BST1: variants seen among roughly 807,000 people sequenced by gnomAD.
The protein encoded by BST1 is bone marrow stromal cell antigen 1, also known as ADP-ribosyl cyclase/cyclic ADP-ribose hydrolase 2.
BST1 carries 49 observed loss-of-function variants against 40.6 expected under a neutral mutation model. That is an observed-to-expected ratio of 1.21 (90% confidence interval 0.96 to 1.53). BST1 has a LOEUF of 1.53. Among genes scored for constraint, BST1 ranks in the 40% most tolerant of loss-of-function variants. BST1 has a pLI of 0.00. For synonymous variants in BST1, 157 were observed against 159.3 expected (o/e 0.99, Z 0.11); for missense variants, 423 against 395.9 (o/e 1.07, Z -0.58).
At chr4:15,772,007 G>GTCTCTCTCTCTCTCTCTC in the BST1 span, among the ~76,000 whole-genome samples, 39 of 148,862 alleles carry the variant, frequency 2.6e-4, no homozygotes, top group African/African-American at 8.9e-4. Flanking sequence ...AACAATGAAG[G>GTCTCTCTCTCTCTCTCTC]TCTCTCTCTC....
At position 15,703,336 on chromosome 4, in the gene BST1, AG is replaced by A. The variant is rs1378813997; in HGVS notation, c.188+6del. 1 of 1,409,838 alleles carries A rather than the reference AG, an allele frequency of 7.1e-7. No homozygotes were observed. The highest frequency in any genetic ancestry group is 1.3e-5 in the South Asian group (1 of 77,198). The allele number at this position is 1,409,838 out of a possible 1,614,324, so 87.3% of individuals were successfully genotyped here. ...CACTGCTGAGTCCCGAGCAGCGGTG[AG>A]GCAGTCGGCCGGGTGGAAGGGGAGC... On this transcript the variant is annotated splice_donor_5th_base_variant and intron_variant, in intron 1 of 8. Transcript: ENST00000265016.
the BST1 span, among the ~76,000 whole-genome samples, chr4:15,748,352 C>T: frequency 1.3e-5 from 2 of 152,168 alleles, no homozygotes; most frequent in Non-Finnish European, 2.9e-5. Flanking sequence ...GGCAAGCACC[C>T]TCTTGCAATG....
the BST1 span, among the ~76,000 whole-genome samples, chr4:15,749,264 T>C: frequency 2.6e-5 from 4 of 152,070 alleles, no homozygotes; most frequent in Non-Finnish European, 5.9e-5. Context: ...CCATTGGAAG[T>C]TGAGAGGATG....
the BST1 span, among the ~76,000 whole-genome samples, chr4:15,744,609 A>C: frequency 6.6e-6 from 1 of 152,214 alleles, no homozygotes; most frequent in East Asian, 1.9e-4. Context: ...TCCAAAAGAA[A>C]GTTCAACAAT....
intron 1 of BST1, 45 bp downstream of exon 1, chr4:15,703,377 G>T (rs1457278991): frequency 6.7e-7 from 1 of 1,487,902 alleles, no homozygotes; most frequent in South Asian, 1.3e-5. Flanking sequence ...AAGAGGCAAC[G>T]GTGGGGAGGG....
chr4:15,707,690 T>A, intron 3 of BST1, 44 bp downstream of exon 3: 1 of 1,601,084 alleles, frequency 6.2e-7, no homozygotes, highest in Non-Finnish European at 8.5e-7. Flanking sequence ...GAACTCCTAT[T>A]TACTATGCAT....
intron 8 of BST1, among the ~76,000 whole-genome samples, chr4:15,728,235 G>A (rs907530577): frequency 6.6e-6 from 1 of 152,024 alleles, no homozygotes; most frequent in African/African-American, 2.4e-5. Flanking sequence ...GGGGTAAAGG[G>A]CTTTTAATCT....
rs545701834 is a variant in BST1, at chr4:15,732,187, A to G, written c.*342A>G. On this transcript the variant is annotated 3_prime_UTR_variant, in exon 9 of 9. Transcript: ENST00000265016. ...TATTTTACATCATCTATATTTTCCT[A>G]TATCTCCAGCAGCACGGACACTGCA... is the stretch of plus-strand genomic sequence containing the variant. 46 of 1,008,084 alleles carry G rather than the reference A, an allele frequency of 4.6e-5. No homozygotes were observed. In the African/African-American group the frequency reaches 6.4e-4, roughly 14 times the overall value. The allele number at this position is 1,008,084 out of a possible 1,614,324, so 62.4% of individuals were successfully genotyped here.
chr4:15,741,675 C>T (rs1032601912), downstream of BST1, among the ~76,000 whole-genome samples: 7 of 152,092 alleles, frequency 4.6e-5, no homozygotes, highest in Non-Finnish European at 1.0e-4. Flanking sequence ...TATTTCATGG[C>T]GTCTGAAAAC....
At chr4:15,762,712 C>G in the BST1 span, among the ~76,000 whole-genome samples, 16 of 151,928 alleles carry the variant, frequency 1.1e-4, no homozygotes, top group Non-Finnish European at 1.8e-4. Flanking sequence ...TCCATTTCTG[C>G]TAACCCCAAC....
At chr4:15,767,872 C>T in the BST1 span, among the ~76,000 whole-genome samples, 68 of 152,200 alleles carry the variant, frequency 4.5e-4, 3 homozygotes, top group South Asian at 0.011. Flanking sequence ...CTGCCCATCT[C>T]GGCCTCCTCA....
chr4:15,768,249 A>T, the BST1 span, among the ~76,000 whole-genome samples: 1 of 152,178 alleles, frequency 6.6e-6, no homozygotes. Context: ...TCAGGAAGTG[A>T]AATAAAAATG....
chr4:15,707,668 C>T (rs1469310459), intron 3 of BST1, 22 bp downstream of exon 3: 3 of 1,612,638 alleles, frequency 1.9e-6, no homozygotes, highest in South Asian at 1.1e-5. Context: ...GCACAAATCA[C>T]AGGAGACTTA....
At chr4:15,723,244 A>G (rs1417606144) in intron 8 of BST1, among the ~76,000 whole-genome samples, 1 of 151,368 alleles carries the variant, frequency 6.6e-6, no homozygotes, top group African/African-American at 2.4e-5. Flanking sequence ...TGGTCACACT[A>G]CCTTTTTTTT....
At chr4:15,754,813 C>G in the BST1 span, among the ~76,000 whole-genome samples, 101 of 152,290 alleles carry the variant, frequency 6.6e-4, 1 homozygote, top group African/African-American at 2.3e-3. Context: ...CCACTCCTGT[C>G]CCCTGTTCTG....
chr4:15,727,887 A>G (rs1721194353), intron 8 of BST1, among the ~76,000 whole-genome samples: 1 of 151,896 alleles, frequency 6.6e-6, no homozygotes. Context: ...AAACAGTTAC[A>G]TCAAAGGGTA....
intron 2 of BST1, among the ~76,000 whole-genome samples, chr4:15,706,560 A>T (rs1719891112): frequency 6.6e-6 from 1 of 152,254 alleles, no homozygotes; most frequent in Admixed American, 6.5e-5. Context: ...TGCTTAAAAC[A>T]ATACCTCAAG....
At chr4:15,749,380 CTGGATTTTGTTGTTGTTGTCGTTGT>C in the BST1 span, among the ~76,000 whole-genome samples, 4 of 152,164 alleles carry the variant, frequency 2.6e-5, no homozygotes, top group Non-Finnish European at 5.9e-5. Context: ...AGTTGAGAGT[CTGGATTTTGTTGTTGTTGTCGTTGT>C]TGTTATTTTA....
chr4:15,740,983 A>G (rs1721729004), downstream of BST1, among the ~76,000 whole-genome samples: 2 of 152,008 alleles, frequency 1.3e-5, no homozygotes. Context: ...TGAACCGCAG[A>G]GTTGAGTAGT....
Sources: gnomAD v4.1 joint callset for allele counts (sites outside exome capture counted in the v4.1 genomes callset) on GRCh38, gnomAD v4.1.1 for gene constraint, MANE v1.5 for transcripts, NCBI Gene and HGNC (gene_info 2026-07-23, HGNC 2026-07-21) for gene names.